Variants in FRMPD4 observed in about 807,000 individuals in gnomAD.
The protein encoded by FRMPD4 is FERM and PDZ domain-containing protein 4.
A neutral mutation model predicts 94.1 loss-of-function variants in FRMPD4; 22 were observed. That is an observed-to-expected ratio of 0.23 (90% confidence interval 0.17 to 0.33). The LOEUF (loss-of-function observed/expected upper bound fraction) is 0.33. FRMPD4 is among the 10% of genes least tolerant of loss of function. The probability of loss-of-function intolerance (pLI) is 1.00; values close to 1 mark genes in which losing one functional copy is unlikely to be tolerated. For synonymous variants in FRMPD4, 631 were observed against 548.6 expected, an observed-to-expected ratio of 1.15 and a Z score of -2.10; for missense variants, 1,111 against 1,339.9, an observed-to-expected ratio of 0.83 and a Z score of 2.67.
intron 2 of FRMPD4, among the ~76,000 whole-genome samples, chrX:12,569,042 G>C (rs1288065389): frequency 9.0e-6 from 1 of 111,180 alleles, no homozygotes; most frequent in Non-Finnish European, 1.9e-5. Context: ...AGAGTAGGTT[G>C]CTATAAAAGT....
chrX:12,442,117 T>TAATA (rs1213184724), intron 1 of FRMPD4, among the ~76,000 whole-genome samples: 1 of 111,539 alleles, frequency 9.0e-6, no homozygotes, highest in East Asian at 2.8e-4. Flanking sequence ...GCAAAATTAT[T>TAATA]AATAGTGCCT....
chrX:11,908,653 G>A (rs1272667732), intron 3 of FRMPD4, among the ~76,000 whole-genome samples: 2 of 111,539 alleles, frequency 1.8e-5, no homozygotes, highest in Non-Finnish European at 3.8e-5. Context: ...TGGGTGGATG[G>A]GGGTGTATGT....
chrX:11,830,985 T>G (rs1039945087), intron 1 of FRMPD4, among the ~76,000 whole-genome samples: 2 of 110,978 alleles, frequency 1.8e-5, no homozygotes, highest in African/African-American at 6.6e-5. Context: ...GGAAGTAGGT[T>G]AATTCTTCAT....
At position 12,213,460 on chromosome X, in the gene FRMPD4, A is replaced by T. The variant is rs147709803; in HGVS notation, c.41+74448A>T. Among the ~76,000 whole-genome samples, 696 of 112,093 alleles carry T rather than the reference A, an allele frequency of 6.2e-3. 2 individuals carry two copies. Among genetic ancestry groups the T allele is most frequent in the African/African-American group, 0.021 (652 of 30,915 alleles). On this transcript the variant is annotated intron_variant, in intron 1 of 16. Coordinates refer to ENST00000675598, the MANE Select transcript of FRMPD4 (RefSeq NM_001368397.1). The stretch of plus-strand genomic sequence containing the variant: ...GGTGGGTGGAAAACATCTAAAATTT[A>T]TGGAAAATATTTTCTTATGAAGAAG...
At chrX:11,962,232 A>G (rs1041594517) in intron 3 of FRMPD4, among the ~76,000 whole-genome samples, 1 of 111,975 alleles carries the variant, frequency 8.9e-6, no homozygotes, top group African/African-American at 3.3e-5. Flanking sequence ...AGTCTAAAGT[A>G]TTTGGTGTCT....
chrX:11,822,984 C>T (rs1002310373), intron 1 of FRMPD4, among the ~76,000 whole-genome samples: 3 of 111,570 alleles, frequency 2.7e-5, no homozygotes, highest in East Asian at 2.8e-4. Context: ...AGACTGGCTA[C>T]GTCCCGACTA....
At chrX:12,514,718 T>C in intron 2 of FRMPD4, among the ~76,000 whole-genome samples, 1 of 112,257 alleles carries the variant, frequency 8.9e-6, no homozygotes, top group South Asian at 3.7e-4. Context: ...AGGATGATGC[T>C]GGCCTCATAA....
intron 1 of FRMPD4, among the ~76,000 whole-genome samples, chrX:12,311,397 A>C (rs760485618): frequency 1.8e-5 from 2 of 112,628 alleles, no homozygotes; most frequent in Admixed American, 1.9e-4. Flanking sequence ...GTTATCGTGT[A>C]TTTTAATTTG....
chrX:11,957,178 A>C (rs905027159), intron 3 of FRMPD4, among the ~76,000 whole-genome samples: 17 of 112,094 alleles, frequency 1.5e-4, no homozygotes, highest in African/African-American at 5.5e-4. Flanking sequence ...ACTCTCATAC[A>C]TACAAATATA....
chrX:12,377,352 A>G (rs1033079943), intron 1 of FRMPD4, among the ~76,000 whole-genome samples: 1 of 112,267 alleles, frequency 8.9e-6, no homozygotes, highest in Admixed American at 9.4e-5. Context: ...AGGTAATCAG[A>G]TGGGATGTTG....
At chrX:12,461,817 T>G (rs1367213407) in intron 1 of FRMPD4, among the ~76,000 whole-genome samples, 1 of 111,951 alleles carries the variant, frequency 8.9e-6, no homozygotes, top group Admixed American at 9.5e-5. Context: ...GTCTTCCTAC[T>G]GTATGACTTT....
intron 1 of FRMPD4, among the ~76,000 whole-genome samples, chrX:12,153,694 A>C (rs2055894781): frequency 8.9e-6 from 1 of 112,626 alleles, no homozygotes; most frequent in Non-Finnish European, 1.9e-5. Context: ...ATAACACTAT[A>C]CTGGACATAA....
At chrX:12,021,372 T>TA (rs34485088) in intron 3 of FRMPD4, among the ~76,000 whole-genome samples, 20 of 111,044 alleles carry the variant, frequency 1.8e-4, no homozygotes, top group African/African-American at 1.6e-4. Context: ...TCTCTTACTT[T>TA]AAAAAAAAAT....
chrX:12,719,121 C>T (rs1382348429), intron 16 of FRMPD4, among the ~76,000 whole-genome samples: 1 of 112,433 alleles, frequency 8.9e-6, no homozygotes, highest in East Asian at 2.8e-4. Context: ...CTTAGAGTCA[C>T]ATAACAGTTT....
In FRMPD4 at chrX:11,947,925, A is replaced by T. The variant is rs115881555; in HGVS notation, c.95+69907A>T. Among the ~76,000 whole-genome samples, 472 of 54,018 alleles carry T rather than the reference A, an allele frequency of 8.7e-3. 4 individuals carry two copies. Among genetic ancestry groups the T allele is most frequent in the African/African-American group, 0.02 (431 of 21,444 alleles). 46.9% of individuals were successfully genotyped at this position (54,018 alleles called of 115,157 possible). ...ACATGGAGAAACCCCGTCTCTATTT[A>T]AAAAAAATACAAAAATTAGCCGGGC... On this transcript the variant is annotated intron_variant, in intron 3 of 18. Transcript: ENST00000640291.
chrX:12,276,375 T>C (rs1348099412), intron 1 of FRMPD4, among the ~76,000 whole-genome samples: 1 of 112,371 alleles, frequency 8.9e-6, no homozygotes, highest in Non-Finnish European at 1.9e-5. Context: ...ACATAAGGCA[T>C]CAATCAATAC....
At chrX:12,195,956 T>G (rs956127422) in intron 1 of FRMPD4, among the ~76,000 whole-genome samples, 5 of 111,886 alleles carry the variant, frequency 4.5e-5, no homozygotes, top group African/African-American at 9.8e-5. Context: ...GATGAATGTT[T>G]ATGGAATGAC....
At position 12,682,194 on chromosome X, in the gene FRMPD4, T is replaced by G. The variant is rs763351149; in HGVS notation, c.469-1289T>G. 1.4e-4 allele frequency among the ~76,000 whole-genome samples: 16 copies of G among 112,853 alleles called. No homozygotes were observed. In the South Asian group the frequency reaches 5.8e-3, roughly 41 times the overall value. ...GTACAGATGGACCACATTTGATTTA[T>G]CTATTTCATCATATTGCTTTTTAAA... On this transcript the variant is annotated intron_variant, in intron 5 of 16. Transcript: ENST00000675598.
intron 3 of FRMPD4, among the ~76,000 whole-genome samples, chrX:11,963,013 T>C (rs1160419864): frequency 5.3e-5 from 6 of 112,186 alleles, no homozygotes; most frequent in Non-Finnish European, 1.1e-4. Flanking sequence ...CTACTAATAA[T>C]AAGAATTTGT....
Sources: allele counts gnomAD v4.1 joint callset (sites outside exome capture counted in the v4.1 genomes callset), GRCh38; gene constraint gnomAD v4.1.1; transcripts MANE v1.5; gene names NCBI Gene and HGNC (gene_info 2026-07-23, HGNC 2026-07-21).